Variants in LDAH observed in about 807,000 individuals in gnomAD.
LDAH encodes lipid droplet-associated hydrolase.
Under a neutral mutation model 29.6 loss-of-function variants are expected in LDAH, and 26 were observed. That is an observed-to-expected ratio of 0.88 (90% CI 0.64 to 1.22). The LOEUF (loss-of-function observed/expected upper bound fraction) is 1.22. LDAH is among the 50% of genes most tolerant of loss of function. LDAH has a pLI of 0.00. For missense variants in LDAH, 344 were observed against 387.3 expected (o/e 0.89, Z 0.94); for synonymous variants, 117 against 133.0 (o/e 0.88, Z 0.83).
chr2:20,690,830 C>T (rs560667331), intron 6 of LDAH, among the ~76,000 whole-genome samples: 1 of 152,022 alleles, frequency 6.6e-6, no homozygotes, highest in East Asian at 1.9e-4. Flanking sequence ...ACCAATGGGC[C>T]GAGAGCAATG....
chr2:20,791,972 C>T lies in LDAH; in HGVS notation c.155-1574G>A, dbSNP rs115672893. Among the ~76,000 whole-genome samples, 999 of 152,240 alleles carry T rather than the reference C, an allele frequency of 6.6e-3. 12 individuals are homozygous for T. The highest frequency in any genetic ancestry group is 0.021 in the African/African-American group (853 of 41,546). On this transcript the variant is annotated intron_variant, in intron 2 of 6. Coordinates refer to ENST00000237822, the MANE Select transcript of LDAH (RefSeq NM_021925.4). The stretch of plus-strand genomic sequence containing the variant: ...CCTTTTCTCCTCTGCCAGGACCATA[C>T]TGTCTTAATTACTACATTTTTTTTT...
intron 1 of LDAH, among the ~76,000 whole-genome samples, chr2:20,815,787 C>T (rs1191390522): frequency 6.6e-6 from 1 of 151,686 alleles, no homozygotes. Flanking sequence ...GTTCCTCAAA[C>T]AAAAAGGAAA....
intron 4 of LDAH, among the ~76,000 whole-genome samples, chr2:20,767,238 C>T (rs1669103924): frequency 1.3e-5 from 2 of 152,332 alleles, no homozygotes; most frequent in African/African-American, 4.8e-5. Context: ...AGGCAGCAGC[C>T]CAAGACAAGG....
intron 4 of LDAH, among the ~76,000 whole-genome samples, chr2:20,773,691 C>G (rs970840883): frequency 6.6e-6 from 1 of 152,028 alleles, no homozygotes; most frequent in Non-Finnish European, 1.5e-5. Flanking sequence ...AAAACCACAG[C>G]GAGGGAGGCT....
intron 2 of LDAH, among the ~76,000 whole-genome samples, chr2:20,796,074 A>T (rs1339925830): frequency 1.3e-5 from 2 of 152,122 alleles, no homozygotes; most frequent in African/African-American, 4.8e-5. Context: ...ATGTCAAAGC[A>T]CTATAAACAA....
At chr2:20,765,953 G>A (rs1412557095) in intron 4 of LDAH, among the ~76,000 whole-genome samples, 2 of 151,966 alleles carry the variant, frequency 1.3e-5, no homozygotes, top group East Asian at 3.9e-4. Flanking sequence ...TTTCTTGAGA[G>A]GAATGACAAA....
At chr2:20,791,075 G>A (rs1181408372) in intron 2 of LDAH, among the ~76,000 whole-genome samples, 3 of 151,998 alleles carry the variant, frequency 2.0e-5, no homozygotes, top group Non-Finnish European at 4.4e-5. Flanking sequence ...CATGTTGTTA[G>A]GCTTTCTGGT....
At chr2:20,807,714 T>C (rs2125128576) in intron 1 of LDAH, among the ~76,000 whole-genome samples, 1 of 152,048 alleles carries the variant, frequency 6.6e-6, no homozygotes, top group South Asian at 2.1e-4. Flanking sequence ...ATTTTTTTCA[T>C]ATAATACAAG....
At chr2:20,747,181 T>C (rs191010252) in intron 4 of LDAH, among the ~76,000 whole-genome samples, 29 of 152,224 alleles carry the variant, frequency 1.9e-4, no homozygotes, top group Non-Finnish European at 1.5e-5. Context: ...CTTGAAAGAC[T>C]TCACCTGTTT....
intron 1 of LDAH, among the ~76,000 whole-genome samples, chr2:20,805,232 T>C (rs184625178): frequency 1.3e-5 from 2 of 152,172 alleles, no homozygotes; most frequent in East Asian, 1.9e-4. Context: ...TCTATAAACA[T>C]TGGAAAACAA....
At chr2:20,716,357 G>A (rs1372109252) in intron 5 of LDAH, among the ~76,000 whole-genome samples, 1 of 151,962 alleles carries the variant, frequency 6.6e-6, no homozygotes, top group African/African-American at 2.4e-5. Context: ...ACTAGATTAA[G>A]AAAATGTGGC....
At chr2:20,749,836 C>A (rs184187554) in intron 4 of LDAH, among the ~76,000 whole-genome samples, 14 of 152,202 alleles carry the variant, frequency 9.2e-5, no homozygotes, top group Admixed American at 9.2e-4. Context: ...CTGCTTAGTT[C>A]AGGAAAGAAG....
At chr2:20,755,129 T>TTGTGTG (rs70939051) in intron 4 of LDAH, among the ~76,000 whole-genome samples, 234 of 118,280 alleles carry the variant, frequency 2.0e-3, no homozygotes, top group African/African-American at 4.7e-3. Flanking sequence ...GTGTCTGTGT[T>TTGTGTG]TGTGTGTGTG....
intron 3 of LDAH, chr2:20,788,869 C>T: frequency 1.9e-5 from 6 of 322,078 alleles, no homozygotes; most frequent in Non-Finnish European, 3.4e-5. Flanking sequence ...GTTATTTTTT[C>T]TCTCATTTTT....
At chr2:20,725,486 G>C (rs80085204) in intron 5 of LDAH, among the ~76,000 whole-genome samples, 2,665 of 152,310 alleles carry the variant, frequency 0.017, 28 homozygotes, top group Non-Finnish European at 0.025. Context: ...ATGGATTTTA[G>C]TTCTGGTGGA....
intron 4 of LDAH, among the ~76,000 whole-genome samples, chr2:20,751,086 A>G (rs617266): frequency 0.67 from 101,505 of 152,096 alleles, 34,511 homozygotes; most frequent in East Asian, 0.87. Flanking sequence ...GCAAACCTCA[A>G]CATCATGCAA....
chr2:20,759,423 A>G (rs1040169666), intron 4 of LDAH, among the ~76,000 whole-genome samples: 1 of 152,202 alleles, frequency 6.6e-6, no homozygotes, highest in Non-Finnish European at 1.5e-5. Flanking sequence ...CTTGTGAAGC[A>G]TCTTTCATTT....
At chr2:20,822,650 G>A (rs924632788) in intron 1 of LDAH, among the ~76,000 whole-genome samples, 3 of 152,160 alleles carry the variant, frequency 2.0e-5, no homozygotes, top group Admixed American at 1.3e-4. Context: ...AGCACTAAAC[G>A]CCGGGGGCAA....
In LDAH at chr2:20,777,429, A is replaced by T. The variant is rs574263885; in HGVS notation, c.299-2450T>A. Reference sequence around the variant, plus strand: ...GTGCTATCTTTTAAAATTTATTTTTATTTATTTATTTTTGAGATGGAGTCT... The same window carrying T: ...GTGCTATCTTTTAAAATTTATTTTTTTTTATTTATTTTTGAGATGGAGTCT... On this transcript the variant is annotated intron_variant, in intron 3 of 6. Transcript: ENST00000237822. 1.2e-4 allele frequency among the ~76,000 whole-genome samples: 19 copies of T among 152,244 alleles called. 1 individual carries two copies. In the East Asian group the frequency reaches 3.7e-3, roughly 29 times the overall value.
Sources: gnomAD v4.1 joint callset for allele counts (sites outside exome capture counted in the v4.1 genomes callset) on GRCh38, gnomAD v4.1.1 for gene constraint, MANE v1.5 for transcripts, NCBI Gene and HGNC (gene_info 2026-07-23, HGNC 2026-07-21) for gene names.